TTC28: variants seen among roughly 807,000 people sequenced by gnomAD.
TTC28 encodes the protein tetratricopeptide repeat domain 28, also known as tetratricopeptide repeat protein 28.
A neutral mutation model predicts 198.0 loss-of-function variants in TTC28; 61 were observed. The ratio of observed to expected loss-of-function variants is 0.31; its 90% confidence interval spans 0.25 to 0.38. The LOEUF (loss-of-function observed/expected upper bound fraction) is 0.38. TTC28 is among the 10% of genes least tolerant of loss of function. The probability of loss-of-function intolerance (pLI) is 1.00; values close to 1 mark genes in which losing one functional copy is unlikely to be tolerated. For synonymous variants in TTC28, 1,171 were observed against 1,297.8 expected, an observed-to-expected ratio of 0.90 and a Z score of 2.10; for missense variants, 2,678 against 3,164.0, an observed-to-expected ratio of 0.85 and a Z score of 3.69.
intron 5 of TTC28, among the ~76,000 whole-genome samples, chr22:28,239,032 T>C (rs908963915): frequency 6.6e-6 from 1 of 152,276 alleles, no homozygotes; most frequent in Non-Finnish European, 1.5e-5. Context: ...ACTGTAAGGT[T>C]CAATGCTCTA....
At chr22:28,147,089 G>T (rs960809562) in intron 6 of TTC28, among the ~76,000 whole-genome samples, 10 of 152,172 alleles carry the variant, frequency 6.6e-5, no homozygotes, top group African/African-American at 2.4e-4. Context: ...TTGAGAACAG[G>T]CTTAGTCAGC....
chr22:28,169,064 A>G (rs953776073), intron 5 of TTC28, among the ~76,000 whole-genome samples: 4 of 152,254 alleles, frequency 2.6e-5, no homozygotes, highest in Non-Finnish European at 4.4e-5. Flanking sequence ...CAAAAAACAC[A>G]TGAAAAAATG....
At chr22:28,570,623 A>T (rs2050044853) in intron 2 of TTC28, among the ~76,000 whole-genome samples, 1 of 152,190 alleles carries the variant, frequency 6.6e-6, no homozygotes, top group Admixed American at 6.5e-5. Context: ...AGGTGATGAA[A>T]TAATCTGTAA....
Position 28,323,437 on chromosome 22 carries a change from AAAG to A in TTC28, c.382-16797_382-16795del, listed in dbSNP as rs536360416. 4.7e-4 allele frequency among the ~76,000 whole-genome samples: 72 copies of A among 152,338 alleles called. No homozygotes were observed. In the South Asian group the frequency reaches 7.3e-3, roughly 15 times the overall value. On this transcript the variant is annotated intron_variant, in intron 2 of 22. Transcript: ENST00000397906. Reference sequence around the variant, plus strand: ...TTAATAAAGGGATTGAAATAATTAAAAAGAAGCAGAAATTCTGGAGTTGAAAAA... The same window carrying A: ...TTAATAAAGGGATTGAAATAATTAAAAAGCAGAAATTCTGGAGTTGAAAAA...
chr22:28,164,028 C>A (rs1921572199), intron 5 of TTC28, among the ~76,000 whole-genome samples: 1 of 152,216 alleles, frequency 6.6e-6, no homozygotes, highest in Non-Finnish European at 1.5e-5. Flanking sequence ...GTCCTATGCC[C>A]ATGGAGCCTT....
chr22:28,096,163 C>G (rs2294969), intron 11 of TTC28, 27 bp downstream of exon 11: 83,892 of 1,516,158 alleles, frequency 0.055, 3,080 homozygotes, highest in South Asian at 0.15. Context: ...CTTCTAATTG[C>G]CCTGTTCCCA....
At chr22:28,636,270 T>C (rs1255592735) in intron 1 of TTC28, among the ~76,000 whole-genome samples, 1 of 150,276 alleles carries the variant, frequency 6.7e-6, no homozygotes, top group African/African-American at 2.4e-5. Flanking sequence ...GGACTACAGG[T>C]GCCCACCACC....
intron 5 of TTC28, among the ~76,000 whole-genome samples, chr22:28,165,085 A>C (rs1921759955): frequency 6.6e-6 from 1 of 152,198 alleles, no homozygotes; most frequent in Non-Finnish European, 1.5e-5. Flanking sequence ...TCAGTGATGG[A>C]AGACGAAATG....
chr22:27,989,944 T>A lies in TTC28; in HGVS notation c.5641A>T (p.Ile1881Phe). ...AGCTGGACGCTGATGGAGACCTGAA[T>A]GGGAGCTGATGCCAAGTCCTGCTCC... ...EKEQDLASAP[I>F]QVSISVQLWR... The change falls in exon 21 of 23, where the codon ATT becomes TTT. Residue 1881 changes from isoleucine to phenylalanine, a missense_variant. Physicochemically the swap from Ile to Phe is conservative, Grantham distance 21. Around this residue, in one of 8 missense-constraint regions of TTC28, gnomAD observed 314 missense variants for 442.7 expected, o/e 0.71. Coordinates refer to ENST00000397906, the MANE Select transcript of TTC28 (RefSeq NM_001145418.2). The A allele has an allele frequency of 6.4e-7, 1 of 1,551,394 alleles. No homozygotes were observed. The highest frequency in any genetic ancestry group is 8.7e-7 in the Non-Finnish European group (1 of 1,146,952).
rs145458998 is a variant in TTC28 at position 28,099,545 on chromosome 22, C to T, written c.3418-501G>A. Among the ~76,000 whole-genome samples, 17 of 152,282 alleles carry T rather than the reference C, an allele frequency of 1.1e-4. No individual in the cohort carries two copies. In the East Asian group the frequency reaches 2.5e-3, roughly 22 times the overall value. On this transcript the variant is annotated intron_variant, in intron 9 of 22. Transcript: ENST00000397906. ...ACTTCCCTCGGACCTCAGTTAGAACCTGACACCAGGTAGGTCCTTGTGGAC... is the reference window on the plus strand; with the variant it reads ...ACTTCCCTCGGACCTCAGTTAGAACTTGACACCAGGTAGGTCCTTGTGGAC...
At chr22:28,458,212 AAAT>A (rs1016944468) in intron 2 of TTC28, among the ~76,000 whole-genome samples, 1 of 152,162 alleles carries the variant, frequency 6.6e-6, no homozygotes, top group African/African-American at 2.4e-5. Flanking sequence ...GTACAATCCA[AAAT>A]AATAACACAA....
chr22:28,421,260 G>A (rs915904089), intron 2 of TTC28, among the ~76,000 whole-genome samples: 1 of 152,178 alleles, frequency 6.6e-6, no homozygotes, highest in African/African-American at 2.4e-5. Context: ...CCAAAGGCAC[G>A]CGTAACAGAT....
intron 5 of TTC28, among the ~76,000 whole-genome samples, chr22:28,271,615 GT>G (rs200573673): frequency 6.6e-6 from 1 of 151,640 alleles, no homozygotes; most frequent in African/African-American, 2.4e-5. Context: ...AGATCTGGTG[GT>G]TTTTTTTGAG....
intron 2 of TTC28, among the ~76,000 whole-genome samples, chr22:28,628,703 A>G (rs9620809): frequency 0.12 from 17,729 of 152,052 alleles, 1,277 homozygotes; most frequent in African/African-American, 0.18. Context: ...ACTTCGGGAG[A>G]CCGAGGCAGG....
At chr22:28,156,136 T>A (rs777351864) in intron 6 of TTC28, among the ~76,000 whole-genome samples, 8 of 152,226 alleles carry the variant, frequency 5.3e-5, no homozygotes, top group Non-Finnish European at 1.2e-4. Flanking sequence ...GCAATGTGTC[T>A]ATGTCCTAAT....
chr22:28,273,662 A>G (rs2053208113), intron 5 of TTC28, among the ~76,000 whole-genome samples: 1 of 152,192 alleles, frequency 6.6e-6, no homozygotes, highest in African/African-American at 2.4e-5. Flanking sequence ...ATAGACAGGA[A>G]GAAATGGAGC....
At chr22:28,501,030 T>A (rs2048530554) in intron 2 of TTC28, among the ~76,000 whole-genome samples, 1 of 152,146 alleles carries the variant, frequency 6.6e-6, no homozygotes, top group Non-Finnish European at 1.5e-5. Flanking sequence ...AGTTTGAACA[T>A]CTTGAACAAT....
chr22:28,560,544 T>C (rs1269680242), intron 2 of TTC28, among the ~76,000 whole-genome samples: 1 of 152,146 alleles, frequency 6.6e-6, no homozygotes, highest in Non-Finnish European at 1.5e-5. Flanking sequence ...TCTGCAGTTT[T>C]TCCCATACAT....
At chr22:28,019,319 T>C (rs1938500717) in intron 13 of TTC28, among the ~76,000 whole-genome samples, 3 of 152,204 alleles carry the variant, frequency 2.0e-5, no homozygotes, top group African/African-American at 7.2e-5. Context: ...ATGAAAAATC[T>C]CCTCTATGTA....
Sources: gnomAD v4.1 joint callset for allele counts (sites outside exome capture counted in the v4.1 genomes callset) on GRCh38, gnomAD v4.1.1 for gene constraint, gnomAD v4.1.1 regional missense constraint, MANE v1.5 for transcripts, NCBI Gene and HGNC (gene_info 2026-07-23, HGNC 2026-07-21) for gene names.